Variants in CSMD1 observed in about 807,000 individuals in gnomAD.
CSMD1 encodes the protein CUB and Sushi multiple domains 1.
In CSMD1, 213 loss-of-function variants were observed where a neutral mutation model predicts 417.5. The ratio of observed to expected loss-of-function variants is 0.51; its 90% CI spans 0.46 to 0.57. CSMD1 has a LOEUF of 0.57. Among genes scored for constraint, CSMD1 ranks in the 20% least tolerant of loss-of-function variants. The pLI, the probability that CSMD1 is intolerant of heterozygous loss-of-function variation, is 0.00. For synonymous variants in CSMD1, 2,862 were observed against 1,736.8 expected (o/e 1.65, Z -16.11); for missense variants, 6,923 against 4,529.7 (o/e 1.53, Z -15.17).
intron 37 of CSMD1, among the ~76,000 whole-genome samples, chr8:3,180,219 T>C (rs560146167): frequency 4.3e-4 from 66 of 152,352 alleles, no homozygotes; most frequent in African/African-American, 1.6e-3. Context: ...CCAAAAAAGA[T>C]CTGTGAATCT....
intron 54 of CSMD1, among the ~76,000 whole-genome samples, chr8:2,982,228 G>C (rs1805486551): frequency 6.6e-6 from 1 of 151,882 alleles, no homozygotes; most frequent in Admixed American, 6.6e-5. Flanking sequence ...TGGTGGCAGG[G>C]GCCTGTAATT....
chr8:4,659,694 T>C (rs1229334771), intron 1 of CSMD1, among the ~76,000 whole-genome samples: 1 of 152,166 alleles, frequency 6.6e-6, no homozygotes, highest in East Asian at 1.9e-4. Flanking sequence ...TTTTGGATGA[T>C]AAACTGTTTC....
intron 3 of CSMD1, among the ~76,000 whole-genome samples, chr8:4,233,279 C>T (rs1453350474): frequency 1.3e-5 from 2 of 152,142 alleles, no homozygotes; most frequent in African/African-American, 4.8e-5. Flanking sequence ...TGCAGAAGTG[C>T]CCACTCTCCG....
intron 1 of CSMD1, among the ~76,000 whole-genome samples, chr8:4,875,784 G>C (rs902969495): frequency 6.6e-6 from 1 of 151,784 alleles, no homozygotes; most frequent in African/African-American, 2.4e-5. Flanking sequence ...GGAACTCTAA[G>C]ATATAATGGT....
chr8:3,878,726 G>A (rs1388790268), intron 5 of CSMD1, among the ~76,000 whole-genome samples: 1 of 152,082 alleles, frequency 6.6e-6, no homozygotes, highest in Non-Finnish European at 1.5e-5. Flanking sequence ...CTGTGTCATG[G>A]GAAATATTAG....
intron 3 of CSMD1, among the ~76,000 whole-genome samples, chr8:4,394,366 T>C (rs1283779477): frequency 6.6e-6 from 1 of 152,208 alleles, no homozygotes; most frequent in Non-Finnish European, 1.5e-5. Context: ...ATGTCCTGTT[T>C]CCATCATGAG....
chr8:4,179,879 T>C (rs986006775), intron 3 of CSMD1, among the ~76,000 whole-genome samples: 6 of 152,096 alleles, frequency 3.9e-5, no homozygotes, highest in Admixed American at 3.3e-4. Flanking sequence ...CACAATGAGA[T>C]ACCATCTCAC....
At chr8:3,401,898 C>T (rs1812060924) in intron 15 of CSMD1, among the ~76,000 whole-genome samples, 1 of 149,436 alleles carries the variant, frequency 6.7e-6, no homozygotes, top group African/African-American at 2.4e-5. Flanking sequence ...TAGCTGATAA[C>T]AAAAAAAGCA....
chr8:3,790,422 C>T (rs938504263), intron 5 of CSMD1, among the ~76,000 whole-genome samples: 1 of 151,870 alleles, frequency 6.6e-6, no homozygotes, highest in Non-Finnish European at 1.5e-5. Flanking sequence ...ATGGTGATAA[C>T]AGTATTATAA....
At chr8:4,456,822 G>C (rs990131922) in intron 2 of CSMD1, among the ~76,000 whole-genome samples, 3 of 152,060 alleles carry the variant, frequency 2.0e-5, no homozygotes, top group African/African-American at 4.8e-5. Context: ...GGCTGAGCCA[G>C]TGGGTACCTG....
intron 55 of CSMD1, among the ~76,000 whole-genome samples, chr8:2,977,182 G>T (rs1804999808): frequency 6.6e-6 from 1 of 152,106 alleles, no homozygotes; most frequent in South Asian, 2.1e-4. Flanking sequence ...GTGTGCCATG[G>T]TGGTTTGCTG....
At chr8:3,866,382 T>C (rs1374871016) in intron 5 of CSMD1, among the ~76,000 whole-genome samples, 2 of 152,228 alleles carry the variant, frequency 1.3e-5, no homozygotes, top group Non-Finnish European at 2.9e-5. Context: ...GTATTTCATT[T>C]ACCATTGCTT....
chr8:4,874,734 A>C (rs528993374), intron 1 of CSMD1, among the ~76,000 whole-genome samples: 2 of 151,626 alleles, frequency 1.3e-5, no homozygotes, highest in East Asian at 3.9e-4. Flanking sequence ...AATTCTTAAC[A>C]CCTTAAGTTA....
intron 12 of CSMD1, among the ~76,000 whole-genome samples, chr8:3,445,134 C>G (rs555325583): frequency 1.3e-5 from 2 of 152,302 alleles, no homozygotes; most frequent in African/African-American, 4.8e-5. Context: ...AACTAATATA[C>G]TTACAACCTA....
At chr8:4,495,751 C>G (rs928203393) in intron 2 of CSMD1, among the ~76,000 whole-genome samples, 3 of 152,096 alleles carry the variant, frequency 2.0e-5, no homozygotes, top group South Asian at 4.1e-4. Flanking sequence ...TTGGTGAGAT[C>G]TCCACTAAAT....
At chr8:4,978,673 C>T (rs910256757) in intron 1 of CSMD1, among the ~76,000 whole-genome samples, 2 of 152,172 alleles carry the variant, frequency 1.3e-5, no homozygotes, top group African/African-American at 4.8e-5. Context: ...CACGGTGGCT[C>T]ATTCCTGTAA....
At chr8:4,811,040 A>G (rs2117333036) in intron 1 of CSMD1, among the ~76,000 whole-genome samples, 1 of 152,342 alleles carries the variant, frequency 6.6e-6, no homozygotes, top group South Asian at 2.1e-4. Context: ...TGGGCATCAC[A>G]CTTAAACGAT....
intron 5 of CSMD1, among the ~76,000 whole-genome samples, chr8:3,898,567 G>A (rs1275154583): frequency 2.6e-5 from 4 of 152,248 alleles, no homozygotes; most frequent in South Asian, 2.1e-4. Context: ...ATCCTGTAAT[G>A]GAATATGAAG....
At chr8:4,707,718 C>G (rs1459700483) in intron 1 of CSMD1, among the ~76,000 whole-genome samples, 1 of 151,870 alleles carries the variant, frequency 6.6e-6, no homozygotes, top group Non-Finnish European at 1.5e-5. Flanking sequence ...CAAACCCCAT[C>G]TCTACTAAAA....
Sources: allele counts gnomAD v4.1 joint callset (sites outside exome capture counted in the v4.1 genomes callset), GRCh38; gene constraint gnomAD v4.1.1; transcripts MANE v1.5; gene names NCBI Gene and HGNC (gene_info 2026-07-23, HGNC 2026-07-21).